The following PSG3 variants were observed in gnomAD, a reference collection of about 807,000 sequenced individuals.
PSG3 encodes pregnancy-specific beta-1-glycoprotein 3.
PSG3 carries 61 observed loss-of-function variants against 47.5 expected under a neutral mutation model. The observed-to-expected ratio is 1.28, with a 90% CI of 1.05 to 1.59. The LOEUF is 1.59. Among genes scored for constraint, PSG3 ranks in the 40% most tolerant of loss-of-function variants. The pLI, the probability that PSG3 is intolerant of heterozygous loss-of-function variation, is 0.00. For missense variants in PSG3, 756 were observed against 524.0 expected (o/e 1.44, Z -4.32); for synonymous variants, 263 against 198.4 (o/e 1.33, Z -2.74).
rs184311194 is a variant in PSG3 at position 42,732,995 on chromosome 19, G to T, written c.498C>A (p.Ser166Arg). The T allele has an allele frequency of 1.9e-6, 3 of 1,614,170 alleles. No homozygotes were observed. Among genetic ancestry groups the T allele is most frequent in the East Asian group, 2.2e-5 (1 of 44,886 alleles). The change falls in exon 3 of 7, where the codon AGC (serine) becomes AGA (arginine). Residue 166 changes from serine (S) to arginine (R), a missense_variant. Physicochemically the swap from Ser to Arg is moderately radical, Grantham distance 110. Transcript: ENST00000327495. Reference sequence around the variant, plus strand: ...CCGGAGTCTCAGGATCACAGGTTAAGCTCACAGCCTCCATGTCCTCCCTGG... The same window carrying T: ...CCGGAGTCTCAGGATCACAGGTTAATCTCACAGCCTCCATGTCCTCCCTGG... ...LYPREDMEAV[S>R]LTCDPETPDA...
intron 2 of PSG3, among the ~76,000 whole-genome samples, chr19:42,734,606 T>A (rs1421900699): frequency 6.6e-6 from 1 of 152,190 alleles, no homozygotes; most frequent in Non-Finnish European, 1.5e-5. Flanking sequence ...GTAGTAGTAT[T>A]TCTCTTGAGA....
At chr19:42,727,854 A>C (rs1024304542) in intron 5 of PSG3, among the ~76,000 whole-genome samples, 54 of 152,256 alleles carry the variant, frequency 3.5e-4, no homozygotes, top group Non-Finnish European at 5.9e-5. Context: ...CACTAGCCAA[A>C]AAATGGAAAC....
chr19:42,729,403 G>C (rs376324148), intron 4 of PSG3, 26 bp from the exon 5 acceptor site: 1 of 1,597,116 alleles, frequency 6.3e-7, no homozygotes, highest in East Asian at 2.2e-5. Context: ...TAAAGCCACA[G>C]GTGATGTCAT....
In PSG3 at chr19:42,740,287, C is replaced by T. The variant is rs377507034; in HGVS notation, c.64+34G>A. ...ACCCCATCCAGTCACTCTGCTTCCT[C>T]CTCCTGTCCTCTCCCAGGAAGTTCT... On this transcript the variant is annotated intron_variant, in intron 1 of 6. Transcript: ENST00000327495. 4.9e-5 allele frequency: 79 copies of T among 1,613,838 alleles called. No individual in the cohort carries two copies. In the East Asian group the frequency reaches 1.5e-3, roughly 31 times the overall value.
At position 42,740,379 on chromosome 19, in the gene PSG3, C is replaced by A; in HGVS notation, c.6G>T (p.Gly2=). The change falls in exon 1 of 7, where the codon GGG becomes GGT. Residue 2 remains glycine, a synonymous_variant. Coordinates refer to ENST00000327495, the MANE Select transcript of PSG3 (RefSeq NM_021016.4). The stretch of plus-strand genomic sequence containing the variant: ...GTGTGCAGGGAGGGGCTGAGAGGGG[C>A]CCCATGGTCTCTGCTGCCTGCGTGT... M[G]PLSAPPCTQR... 1.2e-6 allele frequency: 2 copies of A among 1,613,976 alleles called. No individual in the cohort carries two copies. The highest frequency in any genetic ancestry group is 1.7e-6 in the Non-Finnish European group (2 of 1,179,918).
At chr19:42,725,966 G>C (rs1462983952) in intron 5 of PSG3, among the ~76,000 whole-genome samples, 1 of 148,476 alleles carries the variant, frequency 6.7e-6, no homozygotes, top group African/African-American at 2.5e-5. Context: ...GATTATGAAA[G>C]TACTATAAAT....
At chr19:42,732,493 C>G in intron 3 of PSG3, 1 of 667,682 alleles carries the variant, frequency 1.5e-6, no homozygotes, top group Non-Finnish European at 2.4e-6. Context: ...CACTGAAGTC[C>G]CAGCCAAATC....
In PSG3 at chr19:42,722,064, A is replaced by T; in HGVS notation, c.*67T>A. On this transcript the variant is annotated 3_prime_UTR_variant, in exon 7 of 7. Transcript: ENST00000327495. ...TTTTGGACTGTAGCTGATGGTAAAT[A>T]CTTTGAGGAAGAATGAAAGCAACTG... 2.4e-6 allele frequency: 1 copy of T among 414,724 alleles called. No individual in the cohort carries two copies. Among genetic ancestry groups the T allele is most frequent in the East Asian group, 3.6e-5 (1 of 27,970 alleles). 25.7% of individuals were successfully genotyped at this position (414,724 alleles called of 1,614,324 possible).
intron 2 of PSG3, among the ~76,000 whole-genome samples, chr19:42,737,338 A>G (rs1020821375): frequency 1.6e-4 from 24 of 151,882 alleles, no homozygotes; most frequent in African/African-American, 5.6e-4. Flanking sequence ...TCATTTCTTC[A>G]TTCCATTTCT....
chr19:42,729,876 A>G lies in PSG3; in HGVS notation c.890T>C (p.Leu297Pro), dbSNP rs1234458733. The G allele has an allele frequency of 3.1e-6, 5 of 1,612,570 alleles. No individual in the cohort carries two copies. The highest frequency in any genetic ancestry group is 4.2e-6 in the Non-Finnish European group (5 of 1,179,842). Reference sequence around the variant, plus strand: ...TGTTTCATTTCTCGTGACACTGGGTAGAATGAGGATCCTGTTTTCAATGGG... The same window carrying G: ...TGTTTCATTTCTCGTGACACTGGGTGGAATGAGGATCCTGTTTTCAATGGG... The part of the protein sequence containing the change: ...KRPIENRILI[L>P]PSVTRNETGP... The change falls in exon 4 of 7, where the codon CTA becomes CCA. Residue 297 changes from leucine to proline, a missense_variant. Coordinates refer to ENST00000327495, the MANE Select transcript of PSG3 (RefSeq NM_021016.4).
At chr19:42,736,111 G>C (rs985444251) in intron 2 of PSG3, among the ~76,000 whole-genome samples, 7 of 152,192 alleles carry the variant, frequency 4.6e-5, no homozygotes, top group Non-Finnish European at 1.5e-5. Context: ...GACTGCCTTT[G>C]TAAAACTAGT....
chr19:42,739,278 T>G lies in PSG3; in HGVS notation c.65-189A>C, dbSNP rs370673111. ...GTTTGTGTCCTACTCTCCTACTAGGTGAAGGTCAGCAACATGACCCCCATT... is the reference window on the plus strand; with the variant it reads ...GTTTGTGTCCTACTCTCCTACTAGGGGAAGGTCAGCAACATGACCCCCATT... On this transcript the variant is annotated intron_variant, in intron 1 of 6. Transcript: ENST00000327495. 5.7e-5 allele frequency: 60 copies of G among 1,052,958 alleles called. 1 individual carries two copies. The Middle Eastern group carries it at 1.6e-3, about 29-fold the overall frequency. 65.2% of individuals were successfully genotyped at this position (1,052,958 alleles called of 1,614,324 possible). A position where few individuals can be genotyped will look rare whatever the true frequency, so the allele number is the denominator to read the frequency against.
At chr19:42,740,263 C>T in intron 1 of PSG3, 58 bp downstream of exon 1, 2 of 1,613,568 alleles carry the variant, frequency 1.2e-6, no homozygotes, top group Admixed American at 1.7e-5. Flanking sequence ...CTCCAGGAGA[C>T]CCCATCCAGT....
chr19:42,737,166 C>T (rs926707696), intron 2 of PSG3, among the ~76,000 whole-genome samples: 2 of 152,002 alleles, frequency 1.3e-5, no homozygotes, highest in African/African-American at 4.8e-5. Context: ...CCTCCGGTGG[C>T]CAAAGAGCTT....
intron 5 of PSG3, among the ~76,000 whole-genome samples, chr19:42,724,594 T>C (rs1001600214): frequency 3.9e-5 from 6 of 152,148 alleles, no homozygotes; most frequent in African/African-American, 1.2e-4. Context: ...ACTCTTATAA[T>C]TGAATTGGTA....
chr19:42,733,504 T>G (rs1969511312), intron 2 of PSG3: 1 of 189,684 alleles, frequency 5.3e-6, no homozygotes, highest in Non-Finnish European at 1.1e-5. Context: ...TAGAGATGGG[T>G]GATGGAACTT....
intron 5 of PSG3, among the ~76,000 whole-genome samples, chr19:42,726,705 A>C (rs1969383375): frequency 1.3e-5 from 2 of 152,252 alleles, no homozygotes; most frequent in Non-Finnish European, 2.9e-5. Context: ...TTAGGAGGAC[A>C]GTGCTACCTG....
chr19:42,724,072 T>G, intron 5 of PSG3, 47 bp from the exon 6 acceptor site: 1 of 1,567,902 alleles, frequency 6.4e-7, no homozygotes, highest in Non-Finnish European at 8.8e-7. Context: ...GATGTTATTT[T>G]ACATGGGGGA....
intron 5 of PSG3, among the ~76,000 whole-genome samples, chr19:42,726,467 C>G (rs1211095278): frequency 1.3e-5 from 2 of 151,982 alleles, no homozygotes; most frequent in African/African-American, 4.8e-5. Flanking sequence ...AACATTCAAA[C>G]ATCAGTTGTA....
Sources: allele counts gnomAD v4.1 joint callset (sites outside exome capture counted in the v4.1 genomes callset), GRCh38; gene constraint gnomAD v4.1.1; transcripts MANE v1.5; gene names NCBI Gene and HGNC (gene_info 2026-07-23, HGNC 2026-07-21).